ZNF264: variants seen among roughly 807,000 people sequenced by gnomAD.
ZNF264 encodes zinc finger protein 264.
ZNF264 carries 11 observed loss-of-function variants against 11.2 expected under a neutral mutation model. The observed-to-expected ratio is 0.98, with a 90% CI of 0.62 to 1.63. ZNF264 has a LOEUF of 1.63. ZNF264 is among the 40% of genes most tolerant of loss of function. The pLI, the probability that ZNF264 is intolerant of heterozygous loss-of-function variation, is 0.00. For missense variants in ZNF264, 752 were observed against 768.1 expected (o/e 0.98, Z 0.25); for synonymous variants, 309 against 279.8 (o/e 1.10, Z -1.04).
rs553270546 is a variant in ZNF264, at chr19:57,192,041, T to G, written c.33+95T>G. 54 of 1,201,350 alleles carry G rather than the reference T, an allele frequency of 4.5e-5. No homozygotes were observed. In the South Asian group the frequency reaches 1.0e-3, roughly 22 times the overall value. The allele number at this position is 1,201,350 out of a possible 1,614,324, so 74.4% of individuals were successfully genotyped here. ...AGCCCAGGTATCCCCTGGATTTGTCTTCGCAGTCGTCGTTCGCTTTGGTGT... is the reference window on the plus strand; with the variant it reads ...AGCCCAGGTATCCCCTGGATTTGTCGTCGCAGTCGTCGTTCGCTTTGGTGT... On this transcript the variant is annotated intron_variant, in intron 1 of 3. Transcript: ENST00000263095.
chr19:57,208,098 A>C (rs1389606826), intron 3 of ZNF264, among the ~76,000 whole-genome samples: 1 of 152,296 alleles, frequency 6.6e-6, no homozygotes, highest in Non-Finnish European at 1.5e-5. Context: ...CAAGCAGTCC[A>C]TCTGCTTCGG....
intron 3 of ZNF264, among the ~76,000 whole-genome samples, chr19:57,205,733 C>G (rs111402727): frequency 2.0e-5 from 3 of 152,324 alleles, no homozygotes; most frequent in African/African-American, 7.2e-5. Flanking sequence ...GATTTAAGAA[C>G]TAAGATGTGT....
At position 57,211,469 on chromosome 19, in the gene ZNF264, G is replaced by T; in HGVS notation, c.372G>T (p.Gly124=). 1 of 1,614,124 alleles carries T rather than the reference G, an allele frequency of 6.2e-7. No individual in the cohort carries two copies. The highest frequency in any genetic ancestry group is 8.5e-7 in the Non-Finnish European group (1 of 1,180,032). ...GAAACTCAGTGGACTCACAGTTGGG[G>T]CAAGCCGAGGATCAGGATGGGCTAT... is the stretch of plus-strand genomic sequence containing the variant. ...TQGNSVDSQL[G]QAEDQDGLSE... The change falls in exon 4 of 4, where the codon GGG becomes GGT. Residue 124 remains glycine (G), a synonymous_variant. Transcript: ENST00000263095.
In ZNF264 at chr19:57,194,019, C is replaced by G. The variant is rs780006889; in HGVS notation, c.160+18C>G. The stretch of plus-strand genomic sequence containing the variant: ...GTCTCTGGGTAAGGCCTTCCTTCCC[C>G]CTCCACCATGCAGGTGACCTGCCAC... On this transcript the variant is annotated intron_variant, in intron 2 of 3. Coordinates refer to ENST00000263095, the MANE Select transcript of ZNF264 (RefSeq NM_003417.5). 6.3e-6 allele frequency: 10 copies of G among 1,591,916 alleles called. No homozygotes were observed. In the African/African-American group the frequency reaches 1.2e-4, roughly 19 times the overall value.
rs2087400106 is a variant in ZNF264, at chr19:57,219,150, T to TC, written c.*6171dup. 6.6e-6 allele frequency: 1 copy of TC among 151,664 alleles called. No homozygotes were observed. The highest frequency in any genetic ancestry group is 1.5e-5 in the Non-Finnish European group (1 of 68,278). 9.4% of individuals were successfully genotyped at this position (151,664 alleles called of 1,614,324 possible). ...TCCAGCCTGGGCAACAGAGCGAGAC[T>TC]CCATCTCAAAAAAAAAAAAAATTCT... On this transcript the variant is annotated 3_prime_UTR_variant, in exon 4 of 4. Coordinates refer to ENST00000263095, the MANE Select transcript of ZNF264 (RefSeq NM_003417.5).
Position 57,212,213 on chromosome 19 carries a change from G to A in ZNF264, c.1116G>A (p.Glu372=). The change falls in exon 4 of 4, where the codon GAG becomes GAA. Residue 372 remains glutamate (E), a synonymous_variant. Transcript: ENST00000263095. ...QQTHTGEKPY[E]CSECGKVFLE... ...CTCATACCGGGGAGAAGCCCTATGAGTGCAGTGAATGTGGGAAGGTCTTCT... is the reference window on the plus strand; with the variant it reads ...CTCATACCGGGGAGAAGCCCTATGAATGCAGTGAATGTGGGAAGGTCTTCT... 6.2e-7 allele frequency: 1 copy of A among 1,614,126 alleles called. No individual in the cohort carries two copies. Among genetic ancestry groups the A allele is most frequent in the South Asian group, 1.1e-5 (1 of 91,078 alleles).
At chr19:57,207,861 G>A (rs1460757455) in intron 3 of ZNF264, among the ~76,000 whole-genome samples, 1 of 151,904 alleles carries the variant, frequency 6.6e-6, no homozygotes, top group Non-Finnish European at 1.5e-5. Context: ...CGAATAGCTG[G>A]GATTATAGGT....
At position 57,212,644 on chromosome 19, in the gene ZNF264, G is replaced by A; in HGVS notation, c.1547G>A (p.Cys516Tyr). 6.2e-7 allele frequency: 1 copy of A among 1,614,096 alleles called. No individual in the cohort carries two copies. The highest frequency in any genetic ancestry group is 1.1e-5 in the South Asian group (1 of 91,080). ...SGEKPYECVE[C>Y]GKSFCWSTNL... ...GAGAAGCCCTATGAATGTGTTGAGT[G>A]TGGGAAATCGTTTTGCTGGAGCACA... Residue 516 changes from cysteine to tyrosine, a missense_variant, in exon 4 of 4, where the codon TGT (cysteine) becomes TAT (tyrosine). By Grantham distance (194) the Cys-to-Tyr change is radical. Transcript: ENST00000263095.
Position 57,212,631 on chromosome 19 carries a change from G to A in ZNF264, c.1534G>A (p.Glu512Lys), listed in dbSNP as rs1049460851. 37 of 1,614,104 alleles carry A rather than the reference G, an allele frequency of 2.3e-5. No individual in the cohort carries two copies. Among genetic ancestry groups the A allele is most frequent in the Non-Finnish European group, 3.1e-5 (37 of 1,180,018 alleles). ...KRIHSGEKPY[E>K]CVECGKSFCW... ...GATTCATAGTGGAGAGAAGCCCTATGAATGTGTTGAGTGTGGGAAATCGTT... is the reference window on the plus strand; with the variant it reads ...GATTCATAGTGGAGAGAAGCCCTATAAATGTGTTGAGTGTGGGAAATCGTT... The change falls in exon 4 of 4, where the codon GAA becomes AAA. Residue 512 changes from glutamate (E) to lysine (K), a missense_variant. Glu to Lys is a moderately conservative substitution (Grantham distance 56). Transcript: ENST00000263095.
Position 57,193,925 on chromosome 19 carries a change from G to C in ZNF264, c.84G>C (p.Trp28Cys). The change falls in exon 2 of 4, where the codon TGG becomes TGC. Residue 28 changes from tryptophan (W) to cysteine (C), a missense_variant. Coordinates refer to ENST00000263095, the MANE Select transcript of ZNF264 (RefSeq NM_003417.5). ...DVAVTFTKEE[W>C]GQLDLAQRTL... ...CTGTGACTTTCACCAAGGAGGAGTG[G>C]GGGCAGCTGGACCTAGCTCAGCGGA... The C allele has an allele frequency of 6.2e-7, 1 of 1,614,114 alleles. No homozygotes were observed. The highest frequency in any genetic ancestry group is 8.5e-7 in the Non-Finnish European group (1 of 1,179,980).
rs540868766 is a variant in ZNF264 at position 57,212,601 on chromosome 19, A to G, written c.1504A>G (p.Lys502Glu). Residue 502 changes from lysine to glutamate, a missense_variant, in exon 4 of 4, where the codon AAG becomes GAG. By Grantham distance (56) the Lys-to-Glu change is moderately conservative (BLOSUM62 1). Coordinates refer to ENST00000263095, the MANE Select transcript of ZNF264 (RefSeq NM_003417.5). ...CCGCATGTCGGGCCTCACGAGGCACAAGCGGATTCATAGTGGAGAGAAGCC... is the reference window on the plus strand; with the variant it reads ...CCGCATGTCGGGCCTCACGAGGCACGAGCGGATTCATAGTGGAGAGAAGCC... ...FTRMSGLTRH[K>E]RIHSGEKPYE... The G allele has an allele frequency of 1.2e-6, 2 of 1,613,850 alleles. No individual in the cohort carries two copies. The highest frequency in any genetic ancestry group is 1.7e-6 in the Non-Finnish European group (2 of 1,179,968).
intron 3 of ZNF264, among the ~76,000 whole-genome samples, chr19:57,210,693 G>T (rs915516337): frequency 2.0e-5 from 3 of 152,190 alleles, no homozygotes; most frequent in African/African-American, 7.2e-5. Flanking sequence ...CCTTTCCAGA[G>T]ATTCAGCATT....
rs115405411 is a variant in ZNF264 at position 57,212,070 on chromosome 19, C to A, written c.973C>A (p.Arg325=). ...GTGCACAGAATGTGGCCAAGTCTTT[C>A]GACATAGGCCAGGCTTTCTCCGGCA... ...FVCTECGQVF[R]HRPGFLRHYV... The change falls in exon 4 of 4, where the codon CGA becomes AGA. Residue 325 remains arginine, a synonymous_variant. Transcript: ENST00000263095. The A allele has an allele frequency of 6.2e-7, 1 of 1,613,896 alleles. No individual in the cohort carries two copies. The highest frequency in any genetic ancestry group is 1.7e-5 in the Admixed American group (1 of 60,004).
intron 1 of ZNF264, chr19:57,192,305 T>C: frequency 1.0e-6 from 1 of 979,500 alleles, no homozygotes; most frequent in Non-Finnish European, 1.2e-6. Context: ...CAAGGTATGT[T>C]GTATGTTTAA....
rs199768073 is a variant in ZNF264, at chr19:57,191,892, C to T, written c.-22C>T. The T allele has an allele frequency of 3.4e-6, 5 of 1,450,400 alleles. No individual in the cohort carries two copies. In the East Asian group the frequency reaches 1.1e-4, roughly 31 times the overall value. The allele number at this position is 1,450,400 out of a possible 1,614,324, so 89.8% of individuals were successfully genotyped here. A position where few individuals can be genotyped will look rare whatever the true frequency, so the allele number is the denominator to read the frequency against. On this transcript the variant is annotated 5_prime_UTR_variant, in exon 1 of 4. Transcript: ENST00000263095. ...CGCCCGGGGCTCCTCTGTCCCAGCT[C>T]TGCGGCCCAGGGGGTGACGTGATGG...
At position 57,195,063 on chromosome 19, in the gene ZNF264, C is replaced by T. The variant is rs79404763; in HGVS notation, c.160+1062C>T. The stretch of plus-strand genomic sequence containing the variant: ...CCTTCAACATGGGCCAGGCACCTAG[C>T]TGGACCTAGCTGTTAACCATCACAA... On this transcript the variant is annotated intron_variant, in intron 2 of 3. Transcript: ENST00000263095. 21 of 361,668 alleles carry T rather than the reference C, an allele frequency of 5.8e-5. No homozygotes were observed. In the East Asian group the frequency reaches 8.0e-4, roughly 14 times the overall value. 22.4% of individuals were successfully genotyped at this position (361,668 alleles called of 1,614,324 possible). A position where few individuals can be genotyped will look rare whatever the true frequency, so the allele number is the denominator to read the frequency against.
At chr19:57,193,800 T>C in intron 1 of ZNF264, 75 bp from the exon 2 acceptor site, 1 of 1,581,814 alleles carries the variant, frequency 6.3e-7, no homozygotes, top group East Asian at 2.3e-5. Flanking sequence ...TGTACACCTT[T>C]TCCAGTGGAG....
chr19:57,208,600 T>A (rs1208563104), intron 3 of ZNF264, among the ~76,000 whole-genome samples: 7 of 152,004 alleles, frequency 4.6e-5, no homozygotes, highest in Non-Finnish European at 8.8e-5. Context: ...CAAAAAAAAA[T>A]TAATAATAAT....
chr19:57,193,922 G>T lies in ZNF264; in HGVS notation c.81G>T (p.Glu27Asp). The T allele has an allele frequency of 6.2e-7, 1 of 1,614,152 alleles. No individual in the cohort carries two copies. Among genetic ancestry groups the T allele is most frequent in the Non-Finnish European group, 8.5e-7 (1 of 1,180,012 alleles). The change falls in exon 2 of 4, where the codon GAG (glutamate) becomes GAT (aspartate). Residue 27 changes from glutamate (E) to aspartate (D), a missense_variant. Coordinates refer to ENST00000263095, the MANE Select transcript of ZNF264 (RefSeq NM_003417.5). ...DDVAVTFTKE[E>D]WGQLDLAQRT... ...TGGCTGTGACTTTCACCAAGGAGGAGTGGGGGCAGCTGGACCTAGCTCAGC... is the reference window on the plus strand; with the variant it reads ...TGGCTGTGACTTTCACCAAGGAGGATTGGGGGCAGCTGGACCTAGCTCAGC...
Sources: allele counts gnomAD v4.1 joint callset (sites outside exome capture counted in the v4.1 genomes callset), GRCh38; gene constraint gnomAD v4.1.1; transcripts MANE v1.5; gene names NCBI Gene and HGNC (gene_info 2026-07-23, HGNC 2026-07-21).